ROR2: variants seen among roughly 807,000 people sequenced by gnomAD.
ROR2 encodes ROR family WNT receptor 2, also known as tyrosine-protein kinase transmembrane receptor ROR2.
A neutral mutation model predicts 74.9 loss-of-function variants in ROR2; 33 were observed. The observed-to-expected ratio is 0.44, with a 90% confidence interval of 0.33 to 0.59. ROR2 has a LOEUF of 0.59. ROR2 is among the 20% of genes least tolerant of loss of function. The probability of loss-of-function intolerance (pLI) is 0.02; values close to 1 mark genes in which losing one functional copy is unlikely to be tolerated. For missense variants in ROR2, 1,216 were observed against 1,313.8 expected, an observed-to-expected ratio of 0.93 and a Z score of 1.15; for synonymous variants, 586 against 558.7, an observed-to-expected ratio of 1.05 and a Z score of -0.69.
chr9:91,818,128 G>A (rs947536623), intron 1 of ROR2, among the ~76,000 whole-genome samples: 1 of 152,096 alleles, frequency 6.6e-6, no homozygotes, highest in Non-Finnish European at 1.5e-5. Flanking sequence ...ATCATGACTC[G>A]CTCAAACAGC....
chr9:91,873,775 G>C (rs79859663), intron 1 of ROR2, among the ~76,000 whole-genome samples: 11,180 of 152,166 alleles, frequency 0.073, 526 homozygotes, highest in African/African-American at 0.13. Flanking sequence ...AATTTATCCA[G>C]CGCCGAGCAG....
chr9:91,948,080 A>T (rs894907695), intron 1 of ROR2, among the ~76,000 whole-genome samples: 1 of 152,200 alleles, frequency 6.6e-6, no homozygotes, highest in African/African-American at 2.4e-5. Context: ...CATTCACTGG[A>T]AACTATGAGT....
At chr9:91,832,574 G>A (rs1828493896) in intron 1 of ROR2, among the ~76,000 whole-genome samples, 1 of 151,926 alleles carries the variant, frequency 6.6e-6, no homozygotes, top group Non-Finnish European at 1.5e-5. Flanking sequence ...TGAGTAGAAG[G>A]CCTCAAAAGC....
chr9:91,750,227 A>G (rs1355860084), intron 4 of ROR2, among the ~76,000 whole-genome samples: 1 of 152,218 alleles, frequency 6.6e-6, no homozygotes, highest in East Asian at 1.9e-4. Flanking sequence ...TAACAGAAAC[A>G]TGGACAAAGT....
chr9:91,847,202 G>C (rs1358430812), intron 1 of ROR2, among the ~76,000 whole-genome samples: 1 of 152,140 alleles, frequency 6.6e-6, no homozygotes, highest in South Asian at 2.1e-4. Context: ...GCATCAGTAT[G>C]TGCAGGTCTG....
intron 1 of ROR2, among the ~76,000 whole-genome samples, chr9:91,890,842 C>G (rs926560835): frequency 8.4e-4 from 128 of 152,126 alleles, no homozygotes; most frequent in Admixed American, 8.4e-3. Context: ...ATGGAGTTAA[C>G]TAGGCCTATT....
intron 1 of ROR2, among the ~76,000 whole-genome samples, chr9:91,827,886 T>C (rs948275555): frequency 1.3e-5 from 2 of 152,264 alleles, no homozygotes; most frequent in African/African-American, 2.4e-5. Flanking sequence ...TGTTCTCCTA[T>C]CAGTATCCAT....
At chr9:91,772,280 C>G (rs773026146) in intron 2 of ROR2, among the ~76,000 whole-genome samples, 1 of 152,232 alleles carries the variant, frequency 6.6e-6, no homozygotes. Context: ...GCTAAGAGTG[C>G]TGATGATCCA....
intron 1 of ROR2, among the ~76,000 whole-genome samples, chr9:91,852,648 CA>C (rs531203558): frequency 0.013 from 2,005 of 149,820 alleles, 49 homozygotes; most frequent in African/African-American, 0.046. Flanking sequence ...CACACACACA[CA>C]CCCACACACA....
At position 91,725,027 on chromosome 9, in the gene ROR2, T is replaced by G. The variant is rs777008542; in HGVS notation, c.1467A>C (p.Lys489Asn). 1 of 1,613,964 alleles carries G rather than the reference T, an allele frequency of 6.2e-7. No individual in the cohort carries two copies. Among genetic ancestry groups the G allele is most frequent in the Non-Finnish European group, 8.5e-7 (1 of 1,180,016 alleles). ...CCGGGGCAGGGCCGAACAGGTGACC[T>G]TTGTAGACTTTCCCAAACCGGTCCT... ...LGEDRFGKVY[K>N]GHLFGPAPGE... Residue 489 changes from lysine to asparagine, a missense_variant, in exon 9 of 9, where the codon AAA becomes AAC. Transcript: ENST00000375708.
At chr9:91,798,882 G>A (rs1197081842) in intron 1 of ROR2, among the ~76,000 whole-genome samples, 5 of 152,100 alleles carry the variant, frequency 3.3e-5, no homozygotes, top group Non-Finnish European at 7.4e-5. Flanking sequence ...CTTGGGATTG[G>A]AGAAGCAGGC....
chr9:91,878,981 G>T (rs1448419898), intron 1 of ROR2, among the ~76,000 whole-genome samples: 1 of 152,072 alleles, frequency 6.6e-6, no homozygotes, highest in Non-Finnish European at 1.5e-5. Context: ...GGCGGAGCTT[G>T]CAGTGAGCCG....
chr9:91,938,391 G>A (rs1444146407), intron 1 of ROR2, among the ~76,000 whole-genome samples: 1 of 152,188 alleles, frequency 6.6e-6, no homozygotes, highest in East Asian at 1.9e-4. Context: ...AGGAGGTGGA[G>A]GTTACAGTAA....
intron 1 of ROR2, among the ~76,000 whole-genome samples, chr9:91,818,601 G>A (rs1004018498): frequency 6.6e-6 from 1 of 152,168 alleles, no homozygotes; most frequent in Non-Finnish European, 1.5e-5. Flanking sequence ...TGGCCGAGAG[G>A]AAGCATATGC....
chr9:91,794,059 T>C (rs1827093870), intron 1 of ROR2, among the ~76,000 whole-genome samples: 1 of 152,198 alleles, frequency 6.6e-6, no homozygotes, highest in Non-Finnish European at 1.5e-5. Flanking sequence ...GGTGCAACTA[T>C]AAGGATGCTT....
chr9:91,770,853 G>A (rs139735424), intron 2 of ROR2, among the ~76,000 whole-genome samples: 106 of 152,268 alleles, frequency 7.0e-4, no homozygotes, highest in African/African-American at 2.5e-3. Context: ...ACACAGGCAC[G>A]CATGCCAGGA....
intron 5 of ROR2, among the ~76,000 whole-genome samples, chr9:91,734,216 AGCTG>A (rs948927486): frequency 2.0e-5 from 3 of 152,162 alleles, no homozygotes; most frequent in Admixed American, 1.3e-4. Flanking sequence ...AGGGTGAAGA[AGCTG>A]GCCAAGGCAG....
Position 91,905,277 on chromosome 9 carries a change from T to G in ROR2, c.97+44590A>C, listed in dbSNP as rs1830786125. 7.1e-6 allele frequency among the ~76,000 whole-genome samples: 1 copy of G among 141,602 alleles called. No individual in the cohort carries two copies. The highest frequency in any genetic ancestry group is 2.7e-5 in the African/African-American group (1 of 37,528). 92.9% of individuals were successfully genotyped at this position (141,602 alleles called of 152,430 possible). On this transcript the variant is annotated intron_variant, in intron 1 of 8. Coordinates refer to ENST00000375708, the MANE Select transcript of ROR2 (RefSeq NM_004560.4). This position sits in a 1 kb window ranked among gnomAD's most constrained non-coding sequence, Gnocchi z 5.3. Reference sequence around the variant, plus strand: ...ACACAAACATCACACACCACACAAATTCAGCACACACAATACCACACACCA... The same window carrying G: ...ACACAAACATCACACACCACACAAAGTCAGCACACACAATACCACACACCA...
intron 1 of ROR2, chr9:91,883,300 G>A (rs538809942): frequency 2.6e-5 from 4 of 152,342 alleles, no homozygotes; most frequent in Non-Finnish European, 4.4e-5. Flanking sequence ...AACTGGGGAT[G>A]AAGTTCAATC....
Sources: allele counts gnomAD v4.1 joint callset (sites outside exome capture counted in the v4.1 genomes callset), GRCh38; gene constraint gnomAD v4.1.1; non-coding constraint Gnocchi (gnomAD v3.1); transcripts MANE v1.5; gene names NCBI Gene and HGNC (gene_info 2026-07-23, HGNC 2026-07-21).